HEPH: variants seen among roughly 807,000 people sequenced by gnomAD.
HEPH encodes the protein hephaestin.
A neutral mutation model predicts 80.8 loss-of-function variants in HEPH; 69 were observed. The observed-to-expected ratio is 0.85, with a 90% CI of 0.70 to 1.04. HEPH has a LOEUF of 1.04. Ranked by LOEUF, HEPH falls within the 50% of genes least tolerant of loss-of-function variation. The pLI, the probability that HEPH is intolerant of heterozygous loss-of-function variation, is 0.00. For synonymous variants in HEPH, 431 were observed against 322.8 expected, an observed-to-expected ratio of 1.34 and a Z score of -3.60; for missense variants, 1,115 against 891.3, an observed-to-expected ratio of 1.25 and a Z score of -3.20.
intron 11 of HEPH, chrX:66,200,331 C>T: frequency 2.5e-6 from 1 of 407,157 alleles, no homozygotes; most frequent in Non-Finnish European, 4.3e-6. Context: ...GAGGTGAGGC[C>T]AGAAAGGACA....
downstream of HEPH, chrX:66,268,780 T>A (rs934345082): frequency 8.9e-6 from 1 of 111,943 alleles, no homozygotes; most frequent in African/African-American, 3.2e-5. Flanking sequence ...TTGCTCCAAG[T>A]AGGGATACAA....
At chrX:66,188,590 G>A in intron 5 of HEPH, 49 bp downstream of exon 5, 1 of 1,051,973 alleles carries the variant, frequency 9.5e-7, no homozygotes, top group Non-Finnish European at 1.3e-6. Context: ...ATTGTTGGAG[G>A]GTATCCACTG....
chrX:66,244,986 T>A (rs2090746501), intron 15 of HEPH, among the ~76,000 whole-genome samples: 1 of 110,761 alleles, frequency 9.0e-6, no homozygotes, highest in African/African-American at 3.3e-5. Flanking sequence ...AAACATTATG[T>A]GTAGAAAACT....
intron 15 of HEPH, among the ~76,000 whole-genome samples, chrX:66,241,561 T>C (rs183741261): frequency 8.9e-6 from 1 of 111,818 alleles, no homozygotes; most frequent in Non-Finnish European, 1.9e-5. Flanking sequence ...AAGACATAAC[T>C]ATCCTAAACA....
At chrX:66,204,946 G>A (rs1400794926) in intron 13 of HEPH, among the ~76,000 whole-genome samples, 1 of 111,609 alleles carries the variant, frequency 9.0e-6, no homozygotes, top group East Asian at 2.8e-4. Flanking sequence ...ATAGATTCAG[G>A]CAGTACATGT....
chrX:66,203,473 C>A lies in HEPH; in HGVS notation c.2187C>A (p.Tyr729Ter). Residue 729 changes from tyrosine (Y) to a stop codon, truncating the protein, a stop_gained, in exon 13 of 21, where the codon TAC becomes TAA. Coordinates refer to ENST00000343002, the MANE Select transcript of HEPH (RefSeq NM_001367233.3). LOFTEE classifies it high-confidence loss of function. ...PGHQATPRQR[Y>*]QAARIYYIMA... Reference sequence around the variant, plus strand: ...ACCAAGCCACCCCTCGCCAACGCTACCAAGCTGCAAGAATCTACTATATCA... The same window carrying A: ...ACCAAGCCACCCCTCGCCAACGCTAACAAGCTGCAAGAATCTACTATATCA... The A allele has an allele frequency of 8.3e-7, 1 of 1,211,119 alleles. No homozygotes were observed. Among genetic ancestry groups the A allele is most frequent in the Non-Finnish European group, 1.1e-6 (1 of 895,174 alleles).
chrX:66,187,927 G>A (rs1293054148), intron 4 of HEPH, among the ~76,000 whole-genome samples: 1 of 111,565 alleles, frequency 9.0e-6, no homozygotes, highest in African/African-American at 3.3e-5. Context: ...TCTCAAATTA[G>A]TCATTATAGG....
chrX:66,210,332 G>A (rs977456212), intron 15 of HEPH, among the ~76,000 whole-genome samples: 1 of 112,095 alleles, frequency 8.9e-6, no homozygotes, highest in African/African-American at 3.2e-5. Context: ...GAATGTATTA[G>A]AGAGTAATCG....
rs2086749212 is a variant in HEPH, at chrX:66,175,198, C to T, written c.625+1397C>T. On this transcript the variant is annotated intron_variant, in intron 4 of 20. Coordinates refer to ENST00000343002, the MANE Select transcript of HEPH (RefSeq NM_001367233.3). ...TCATTTGATTTTTGTATAAGGTGAG[C>T]GTTAAGGATCCAGTTTCTCTTACAT... Among the ~76,000 whole-genome samples, 4 of 111,754 alleles carry T rather than the reference C, an allele frequency of 3.6e-5. No individual in the cohort carries two copies. The Admixed American group carries it at 3.8e-4, about 11-fold the overall frequency.
intron 15 of HEPH, among the ~76,000 whole-genome samples, chrX:66,210,316 A>G (rs2089041876): frequency 8.9e-6 from 1 of 112,225 alleles, no homozygotes; most frequent in South Asian, 3.7e-4. Context: ...GAAAGAAGCT[A>G]TATTAGAATG....
chrX:66,239,010 G>A (rs938391531), intron 15 of HEPH, among the ~76,000 whole-genome samples: 1 of 112,363 alleles, frequency 8.9e-6, no homozygotes, highest in Non-Finnish European at 1.9e-5. Flanking sequence ...CCCTGGGTGG[G>A]CCAGGTGTTC....
At chrX:66,265,458 G>A (rs1314232107) in intron 20 of HEPH, among the ~76,000 whole-genome samples, 1 of 110,643 alleles carries the variant, frequency 9.0e-6, no homozygotes, top group African/African-American at 3.3e-5. Flanking sequence ...ATATGCCTCT[G>A]TGTTAGGTAT....
At chrX:66,246,405 T>G (rs184471941) in intron 15 of HEPH, among the ~76,000 whole-genome samples, 1 of 111,557 alleles carries the variant, frequency 9.0e-6, no homozygotes, top group East Asian at 2.8e-4. Flanking sequence ...CTAAGCCCTG[T>G]CTGATGAGGG....
intron 4 of HEPH, among the ~76,000 whole-genome samples, chrX:66,181,014 C>T (rs1424051717): frequency 2.1e-5 from 2 of 93,327 alleles, no homozygotes; most frequent in Non-Finnish European, 4.2e-5. Flanking sequence ...CATGTCCCTA[C>T]AAAGGACATG....
chrX:66,177,858 C>T (rs185563674), intron 4 of HEPH, among the ~76,000 whole-genome samples: 2 of 111,410 alleles, frequency 1.8e-5, no homozygotes, highest in South Asian at 3.8e-4. Flanking sequence ...GCGTTTAGAG[C>T]TATGAACTTC....
At chrX:66,172,719 G>T in intron 3 of HEPH, 120 bp downstream of exon 3, 1 of 763,284 alleles carries the variant, frequency 1.3e-6, no homozygotes. Context: ...ATCTGAGGTG[G>T]CAAAGACTCT....
At chrX:66,192,440 C>T (rs1451560952) in intron 7 of HEPH, 142 bp downstream of exon 7, 1 of 641,471 alleles carries the variant, frequency 1.6e-6, no homozygotes, top group Non-Finnish European at 2.3e-6. Context: ...AACTGTTAGC[C>T]AAGTTCTTGT....
At position 66,203,417 on chromosome X, in the gene HEPH, G is replaced by A. The variant is rs1300066990; in HGVS notation, c.2131G>A (p.Ala711Thr). ...AGSHREAGMRAIYNVSQCPGH... is the reference protein window; with the variant it reads ...AGSHREAGMRTIYNVSQCPGH... ...CAGCCATCGAGAAGCAGGGATGAGG[G>A]CAATCTATAATGTCTCCCAGTGTCC... Residue 711 changes from alanine to threonine, a missense_variant, in exon 13 of 21, where the codon GCA (alanine) becomes ACA (threonine). Ala to Thr is a moderately conservative substitution (Grantham distance 58). Around this residue, in one of 3 missense-constraint regions of HEPH, gnomAD observed 716 missense variants for 523.5 expected, o/e 1.37. Transcript: ENST00000343002. The A allele has an allele frequency of 2.5e-6, 3 of 1,210,451 alleles. No homozygotes were observed. The highest frequency in any genetic ancestry group is 2.2e-5 in the Admixed American group (1 of 45,927).
At chrX:66,217,897 A>C (rs780055318) in intron 15 of HEPH, among the ~76,000 whole-genome samples, 10 of 111,926 alleles carry the variant, frequency 8.9e-5, no homozygotes, top group African/African-American at 3.2e-4. Context: ...TTCTTATATC[A>C]GACAAAACAA....
Sources: gnomAD v4.1 joint callset for allele counts (sites outside exome capture counted in the v4.1 genomes callset) on GRCh38, gnomAD v4.1.1 for gene constraint, gnomAD v4.1.1 regional missense constraint, MANE v1.5 for transcripts, NCBI Gene and HGNC (gene_info 2026-07-23, HGNC 2026-07-21) for gene names.